The following DKK2 variants were observed in gnomAD, a reference collection of about 807,000 sequenced individuals.
DKK2 encodes the protein dickkopf-related protein 2.
In DKK2, 11 loss-of-function variants were observed where a neutral mutation model predicts 28.1. The ratio of observed to expected loss-of-function variants is 0.39; its 90% CI spans 0.25 to 0.65. The LOEUF is 0.65. Among genes scored for constraint, DKK2 ranks in the 30% least tolerant of loss-of-function variants. The pLI is 0.47. For synonymous variants in DKK2, 135 were observed against 126.5 expected, an observed-to-expected ratio of 1.07 and a Z score of -0.45; for missense variants, 326 against 335.5, an observed-to-expected ratio of 0.97 and a Z score of 0.22.
intron 1 of DKK2, among the ~76,000 whole-genome samples, chr4:107,005,138 C>T (rs1004173257): frequency 6.6e-6 from 1 of 151,850 alleles, no homozygotes. Context: ...TTGAGGAGAT[C>T]GAGACCATCC....
chr4:106,940,608 G>T (rs1298721918), intron 1 of DKK2, among the ~76,000 whole-genome samples: 1 of 150,378 alleles, frequency 6.6e-6, no homozygotes, highest in Non-Finnish European at 1.5e-5. Context: ...CCCATTACTG[G>T]GTATATACCC....
In DKK2 at chr4:106,924,867, G is replaced by A. The variant is rs115538369; in HGVS notation, c.374-167C>T. ...TATTTATTGAGACTGAGCATACTTTGGCCCTAAAGTGAAACTTCTTTAATA... is the reference window on the plus strand; with the variant it reads ...TATTTATTGAGACTGAGCATACTTTAGCCCTAAAGTGAAACTTCTTTAATA... On this transcript the variant is annotated intron_variant, in intron 2 of 3. Coordinates refer to ENST00000285311, the MANE Select transcript of DKK2 (RefSeq NM_014421.3). Among the ~76,000 whole-genome samples, 1,229 of 152,124 alleles carry A rather than the reference G, an allele frequency of 8.1e-3. 6 individuals are homozygous for A. Among genetic ancestry groups the A allele is most frequent in the Non-Finnish European group, 0.012 (840 of 67,998 alleles).
chr4:106,966,953 C>G (rs987443972), intron 1 of DKK2, among the ~76,000 whole-genome samples: 6 of 152,078 alleles, frequency 3.9e-5, no homozygotes, highest in Non-Finnish European at 7.4e-5. Flanking sequence ...CACAGCCAAA[C>G]CATATCAATT....
At chr4:106,943,664 A>G (rs1334908682) in intron 1 of DKK2, among the ~76,000 whole-genome samples, 1 of 152,112 alleles carries the variant, frequency 6.6e-6, no homozygotes, top group African/African-American at 2.4e-5. Context: ...TTGAACCATC[A>G]GTCCACATTT....
chr4:106,974,592 G>T (rs759312910), intron 1 of DKK2, among the ~76,000 whole-genome samples: 1 of 152,152 alleles, frequency 6.6e-6, no homozygotes, highest in African/African-American at 2.4e-5. Context: ...CATTGATTTT[G>T]TATCCTGAGA....
At chr4:106,955,638 C>T (rs1203018636) in intron 1 of DKK2, among the ~76,000 whole-genome samples, 1 of 152,130 alleles carries the variant, frequency 6.6e-6, no homozygotes, top group African/African-American at 2.4e-5. Flanking sequence ...TCAACAAATA[C>T]ATGATAGGTC....
intron 1 of DKK2, among the ~76,000 whole-genome samples, chr4:106,973,035 C>T (rs765867673): frequency 6.6e-6 from 1 of 152,102 alleles, no homozygotes; most frequent in Admixed American, 6.6e-5. Flanking sequence ...TGATGGTTTC[C>T]AGCTTCATCC....
intron 1 of DKK2, among the ~76,000 whole-genome samples, chr4:106,954,289 C>G (rs894908037): frequency 8.6e-5 from 13 of 151,778 alleles, no homozygotes; most frequent in Admixed American, 7.9e-4. Context: ...GTTTTGAGTT[C>G]TTTTTTTGTT....
intron 1 of DKK2, among the ~76,000 whole-genome samples, chr4:107,007,890 T>C (rs553678708): frequency 3.9e-5 from 6 of 152,138 alleles, no homozygotes; most frequent in African/African-American, 1.4e-4. Context: ...TAGTAGGAGG[T>C]GATTCCAATT....
Position 106,923,867 on chromosome 4 carries a change from T to C in DKK2, c.*87A>G. 4 of 1,527,886 alleles carry C rather than the reference T, an allele frequency of 2.6e-6. No individual in the cohort carries two copies. The highest frequency in any genetic ancestry group is 2.7e-6 in the Non-Finnish European group (3 of 1,127,812). 94.6% of individuals were successfully genotyped at this position (1,527,886 alleles called of 1,614,324 possible). A position where few individuals can be genotyped will look rare whatever the true frequency, so the allele number is the denominator to read the frequency against. ...ACGTTTCTTATTTTAGCCATTCTTC[T>C]GCATCTGAACCTTATTTTCCACCAT... On this transcript the variant is annotated 3_prime_UTR_variant, in exon 4 of 4. Coordinates refer to ENST00000285311, the MANE Select transcript of DKK2 (RefSeq NM_014421.3).
chr4:107,033,714 T>C (rs892136654), intron 1 of DKK2, among the ~76,000 whole-genome samples: 2 of 152,304 alleles, frequency 1.3e-5, no homozygotes, highest in African/African-American at 4.8e-5. Flanking sequence ...TTAAGCTTTC[T>C]TCAACTGGGA....
intron 1 of DKK2, among the ~76,000 whole-genome samples, chr4:106,953,590 G>A (rs1329179458): frequency 1.3e-5 from 2 of 152,176 alleles, no homozygotes; most frequent in Admixed American, 1.3e-4. Context: ...AAAAGGGAAA[G>A]CTTTGAGATT....
chr4:106,951,115 T>A (rs1289718808), intron 1 of DKK2, among the ~76,000 whole-genome samples: 1 of 152,156 alleles, frequency 6.6e-6, no homozygotes, highest in Non-Finnish European at 1.5e-5. Flanking sequence ...ATATCAAATT[T>A]ACCTGCCTCT....
intron 1 of DKK2, among the ~76,000 whole-genome samples, chr4:106,930,647 T>A (rs1389400904): frequency 1.3e-5 from 2 of 152,206 alleles, no homozygotes; most frequent in Non-Finnish European, 2.9e-5. Context: ...GTCCTCGTTT[T>A]TTTGTTGTTT....
At chr4:106,987,913 G>C (rs1040969353) in intron 1 of DKK2, among the ~76,000 whole-genome samples, 6 of 150,110 alleles carry the variant, frequency 4.0e-5, no homozygotes, top group African/African-American at 1.2e-4. Context: ...TGCCAGGCTG[G>C]AGTGCAAATG....
At chr4:107,033,655 C>T (rs1223233598) in intron 1 of DKK2, among the ~76,000 whole-genome samples, 3 of 152,158 alleles carry the variant, frequency 2.0e-5, no homozygotes, top group South Asian at 2.1e-4. Context: ...GGAAAGGAAC[C>T]TCAGGACTAT....
chr4:106,959,970 A>T (rs1045872421), intron 1 of DKK2, among the ~76,000 whole-genome samples: 2 of 152,070 alleles, frequency 1.3e-5, no homozygotes, highest in African/African-American at 4.8e-5. Context: ...ATGCAAAGAA[A>T]GAAAAACTTT....
chr4:106,979,196 G>C (rs1296381763), intron 1 of DKK2, among the ~76,000 whole-genome samples: 1 of 151,884 alleles, frequency 6.6e-6, no homozygotes, highest in Non-Finnish European at 1.5e-5. Flanking sequence ...CCTTTATAAA[G>C]GAATTGTGGC....
intron 1 of DKK2, among the ~76,000 whole-genome samples, chr4:107,024,284 T>A (rs995620891): frequency 6.6e-6 from 1 of 151,882 alleles, no homozygotes; most frequent in Non-Finnish European, 1.5e-5. Flanking sequence ...CAGAAAAAAA[T>A]AAAGACATAG....
Sources: gnomAD v4.1 joint callset for allele counts (sites outside exome capture counted in the v4.1 genomes callset) on GRCh38, gnomAD v4.1.1 for gene constraint, MANE v1.5 for transcripts, NCBI Gene and HGNC (gene_info 2026-07-23, HGNC 2026-07-21) for gene names.